KCNN2: variants seen among roughly 807,000 people sequenced by gnomAD.
The protein encoded by KCNN2 is small conductance calcium-activated potassium channel protein 2.
A neutral mutation model predicts 55.5 loss-of-function variants in KCNN2; 24 were observed. That is an observed-to-expected ratio of 0.43 (90% confidence interval 0.31 to 0.61). The LOEUF is 0.61. Ranked by LOEUF, KCNN2 falls within the 20% of genes least tolerant of loss-of-function variation. The pLI, the probability that KCNN2 is intolerant of heterozygous loss-of-function variation, is 0.08. For synonymous variants in KCNN2, 431 were observed against 336.1 expected (o/e 1.28, Z -3.09); for missense variants, 754 against 853.6 (o/e 0.88, Z 1.45).
In KCNN2 at chr5:114,491,861, G is replaced by C. The variant is rs79400985; in HGVS notation, c.2019-1542G>C. Among the ~76,000 whole-genome samples the C allele has an allele frequency of 1.1e-4, 17 of 152,176 alleles. No homozygotes were observed. The East Asian group carries it at 3.3e-3, about 29-fold the overall frequency. ...GATGTCTAAGTGTTCTTTTTAGGGGGTGTAGGGTGGGGGCAGTTGCCTGTT... is the reference window on the plus strand; with the variant it reads ...GATGTCTAAGTGTTCTTTTTAGGGGCTGTAGGGTGGGGGCAGTTGCCTGTT... On this transcript the variant is annotated intron_variant, in intron 6 of 7. Coordinates refer to ENST00000673685, the MANE Select transcript of KCNN2 (RefSeq NM_021614.4).
chr5:114,261,124 T>C (rs1362698829), intron 2 of KCNN2, among the ~76,000 whole-genome samples: 1 of 152,216 alleles, frequency 6.6e-6, no homozygotes, highest in Non-Finnish European at 1.5e-5. Context: ...TTGTTAACAT[T>C]TGAAGTGCCC....
chr5:114,337,623 CT>C (rs1756944303), intron 2 of KCNN2, among the ~76,000 whole-genome samples: 1 of 152,102 alleles, frequency 6.6e-6, no homozygotes, highest in African/African-American at 2.4e-5. Flanking sequence ...AGTTCTTCTT[CT>C]TTGTCTTGCC....
chr5:114,267,048 T>G (rs1302222884), intron 2 of KCNN2, among the ~76,000 whole-genome samples: 1 of 146,292 alleles, frequency 6.8e-6, no homozygotes, highest in Non-Finnish European at 1.5e-5. Context: ...CAGGCTAGAG[T>G]GCAGTGGCAC....
chr5:114,212,206 G>A (rs1448294542), intron 1 of KCNN2, among the ~76,000 whole-genome samples: 5 of 151,658 alleles, frequency 3.3e-5, no homozygotes, highest in Non-Finnish European at 7.4e-5. Context: ...ATATTATTTG[G>A]CCATAAAGGA....
At chr5:114,318,691 CT>C (rs1416435871) in intron 2 of KCNN2, among the ~76,000 whole-genome samples, 1 of 151,750 alleles carries the variant, frequency 6.6e-6, no homozygotes, top group Non-Finnish European at 1.5e-5. Context: ...TAATTACATT[CT>C]TTCTGTAATC....
chr5:114,302,360 C>G (rs1304773902), intron 2 of KCNN2, among the ~76,000 whole-genome samples: 23 of 152,028 alleles, frequency 1.5e-4, no homozygotes, highest in Admixed American at 1.5e-3. Flanking sequence ...TTATTTAGGA[C>G]CTACTATATT....
intron 3 of KCNN2, among the ~76,000 whole-genome samples, chr5:114,442,083 T>C (rs567773975): frequency 1.1e-3 from 171 of 152,210 alleles, no homozygotes; most frequent in African/African-American, 4.0e-3. Flanking sequence ...GGAGTGAGGA[T>C]AACAGAAGTT....
At chr5:114,469,877 A>ATAAG (rs1032542711) in intron 4 of KCNN2, among the ~76,000 whole-genome samples, 1 of 152,208 alleles carries the variant, frequency 6.6e-6, no homozygotes, top group Admixed American at 6.6e-5. Flanking sequence ...CTAGGGAAGT[A>ATAAG]TAAGTTTATG....
chr5:114,454,020 G>A (rs550230297), intron 3 of KCNN2, among the ~76,000 whole-genome samples: 1 of 152,078 alleles, frequency 6.6e-6, no homozygotes, highest in South Asian at 2.1e-4. Flanking sequence ...TCCCTGCCCT[G>A]TGTCCACGCA....
intron 1 of KCNN2, among the ~76,000 whole-genome samples, chr5:114,204,012 C>G (rs983256753): frequency 6.6e-6 from 1 of 152,164 alleles, no homozygotes; most frequent in Non-Finnish European, 1.5e-5. Context: ...CCATATTACT[C>G]TAGTGCCTAC....
intron 2 of KCNN2, among the ~76,000 whole-genome samples, chr5:114,353,864 A>G (rs1757254196): frequency 6.6e-6 from 1 of 151,890 alleles, no homozygotes; most frequent in African/African-American, 2.4e-5. Context: ...ACCTATTCCA[A>G]AATTTTCCCT....
intron 5 of KCNN2, chr5:114,486,827 A>G (rs1731730886): frequency 8.1e-7 from 1 of 1,240,998 alleles, no homozygotes; most frequent in South Asian, 1.4e-5. Flanking sequence ...TACCACAGAA[A>G]GAAAGTGGTA....
chr5:114,111,962 G>C (rs1343125836), intron 1 of KCNN2, among the ~76,000 whole-genome samples: 2 of 152,128 alleles, frequency 1.3e-5, no homozygotes, highest in Non-Finnish European at 2.9e-5. Flanking sequence ...ATTTGACCCA[G>C]CCATCCCATT....
intron 1 of KCNN2, among the ~76,000 whole-genome samples, chr5:114,199,024 G>T (rs1371810575): frequency 6.6e-6 from 1 of 151,800 alleles, no homozygotes; most frequent in African/African-American, 2.4e-5. Flanking sequence ...CTATGAGTGG[G>T]GTATTAAAGT....
chr5:114,065,034 C>T (rs537955085), intron 1 of KCNN2, among the ~76,000 whole-genome samples: 1 of 152,106 alleles, frequency 6.6e-6, no homozygotes, highest in Non-Finnish European at 1.5e-5. Context: ...ACCATGTATT[C>T]CCACACTGGC....
intron 2 of KCNN2, among the ~76,000 whole-genome samples, chr5:114,247,187 G>A (rs1472036506): frequency 1.5e-5 from 2 of 129,438 alleles, no homozygotes; most frequent in Non-Finnish European, 3.1e-5. Flanking sequence ...AGCCAGGCAT[G>A]GTACCATATG....
chr5:114,476,902 C>T (rs1247896364), intron 5 of KCNN2, among the ~76,000 whole-genome samples: 3 of 123,478 alleles, frequency 2.4e-5, no homozygotes, highest in African/African-American at 7.9e-5. Flanking sequence ...AAGTCATCAA[C>T]TTAATGAGTA....
intron 7 of KCNN2, among the ~76,000 whole-genome samples, chr5:114,495,140 G>C (rs376659905): frequency 8.5e-5 from 13 of 152,090 alleles, no homozygotes; most frequent in African/African-American, 3.1e-4. Flanking sequence ...CAATTTCAAG[G>C]TTCACTAGGA....
At chr5:114,204,212 A>G (rs1753726494) in intron 1 of KCNN2, among the ~76,000 whole-genome samples, 1 of 152,132 alleles carries the variant, frequency 6.6e-6, no homozygotes, top group African/African-American at 2.4e-5. Context: ...ACTGCACCTT[A>G]AAATATGCAT....
Sources: gnomAD v4.1 joint callset for allele counts (sites outside exome capture counted in the v4.1 genomes callset) on GRCh38, gnomAD v4.1.1 for gene constraint, MANE v1.5 for transcripts, NCBI Gene and HGNC (gene_info 2026-07-23, HGNC 2026-07-21) for gene names.